The following RYR3 variants were observed in gnomAD, a reference collection of about 807,000 sequenced individuals.
RYR3 encodes the protein brain ryanodine receptor-calcium release channel.
RYR3 carries 207 observed loss-of-function variants against 584.3 expected under a neutral mutation model. That is an observed-to-expected ratio of 0.35 (90% confidence interval 0.32 to 0.40). The LOEUF is 0.40. Among genes scored for constraint, RYR3 ranks in the 10% least tolerant of loss-of-function variants. RYR3 has a pLI of 1.00. For missense variants in RYR3, 5,616 were observed against 6,089.2 expected (o/e 0.92, Z 2.59); for synonymous variants, 2,416 against 2,248.5 (o/e 1.07, Z -2.11).
chr15:33,506,365 C>T (rs1486379273), intron 3 of RYR3, among the ~76,000 whole-genome samples: 2 of 152,112 alleles, frequency 1.3e-5, no homozygotes. Flanking sequence ...ATAATCTACT[C>T]TTCTTTAAAA....
chr15:33,585,855 C>T, intron 15 of RYR3, 143 bp from the exon 16 acceptor site: 5 of 589,910 alleles, frequency 8.5e-6, no homozygotes, highest in Admixed American at 3.1e-5. Flanking sequence ...CATTTTTTTT[C>T]TGGCTGGAAA....
chr15:33,722,895 T>C lies in RYR3; in HGVS notation c.6800T>C (p.Val2267Ala). ...DLPSQGYKREVSTGDDEEEEE... is the reference protein window; with the variant it reads ...DLPSQGYKREASTGDDEEEEE... ...CCCTCTCAAGGATACAAAAGAGAAG[T>C]GTAAGTGAATGGAATTCCCTTCCGG... The change falls in exon 44 of 104, where the codon GTC becomes GCC. Residue 2267 changes from valine to alanine, a missense_variant and splice_region_variant. This residue lies in a region of RYR3 where 1,280 missense variants were observed against 1,426.2 expected (regional missense o/e 0.90). Transcript: ENST00000634891. 6.4e-7 allele frequency: 1 copy of C among 1,561,412 alleles called. No individual in the cohort carries two copies. Among genetic ancestry groups the C allele is most frequent in the Non-Finnish European group, 8.6e-7 (1 of 1,156,548 alleles).
chr15:33,429,563 C>G (rs551591432), intron 1 of RYR3, among the ~76,000 whole-genome samples: 2 of 152,180 alleles, frequency 1.3e-5, no homozygotes, highest in Admixed American at 1.3e-4. Context: ...ATTGCTGTCT[C>G]TAATGTTTTC....
At chr15:33,590,753 C>A (rs2059092222) in intron 16 of RYR3, among the ~76,000 whole-genome samples, 1 of 151,564 alleles carries the variant, frequency 6.6e-6, no homozygotes, top group South Asian at 2.1e-4. Flanking sequence ...ATGAAGGTAG[C>A]CTTCAGGATA....
At chr15:33,561,342 G>A (rs73386537) in intron 10 of RYR3, among the ~76,000 whole-genome samples, 2,332 of 152,276 alleles carry the variant, frequency 0.015, 61 homozygotes, top group African/African-American at 0.054. Flanking sequence ...CCTTTACAGA[G>A]GTAACCTCTG....
chr15:33,670,558 T>A lies in RYR3; in HGVS notation c.5860+2T>A, dbSNP rs1300459359. On this transcript the variant is annotated splice_donor_variant, in intron 38 of 103. Transcript: ENST00000634891. LOFTEE classifies it high-confidence loss of function. ...CGGAGGAGGAGGAGAGATGCCCCAG[T>A]AAGTGACATTGCCTTTAAATGACAG... The A allele has an allele frequency of 9.6e-6, 15 of 1,562,654 alleles. No homozygotes were observed. The Admixed American group carries it at 3.2e-4, about 33-fold the overall frequency.
intron 27 of RYR3, among the ~76,000 whole-genome samples, chr15:33,638,624 G>A (rs1301290934): frequency 1.3e-5 from 2 of 152,204 alleles, no homozygotes; most frequent in Admixed American, 1.3e-4. Flanking sequence ...GCATTCTGAC[G>A]AGACACTGGT....
chr15:33,320,714 G>T (rs1184995627), intron 1 of RYR3, among the ~76,000 whole-genome samples: 1 of 152,182 alleles, frequency 6.6e-6, no homozygotes, highest in African/African-American at 2.4e-5. Context: ...TATCTGAGAG[G>T]ATTGTTGCAA....
chr15:33,838,024 T>G lies in RYR3; in HGVS notation c.12044T>G (p.Leu4015Trp), dbSNP rs1157384095. The G allele has an allele frequency of 6.2e-7, 1 of 1,613,998 alleles. No individual in the cohort carries two copies. Among genetic ancestry groups the G allele is most frequent in the Admixed American group, 1.7e-5 (1 of 60,022 alleles). The change falls in exon 89 of 104, where the codon TTG becomes TGG. Residue 4015 changes from leucine to tryptophan, a missense_variant. Coordinates refer to ENST00000634891, the MANE Select transcript of RYR3 (RefSeq NM_001036.6). ...AACGATTCCCGCCTGAAGTGTCTGT[T>G]GGACCCAGCAGAAAGTGTGCTAAAT... is the stretch of plus-strand genomic sequence containing the variant. ...MPNDSRLKCL[L>W]DPAESVLNYF...
intron 3 of RYR3, among the ~76,000 whole-genome samples, chr15:33,526,799 G>A (rs1046217324): frequency 6.6e-6 from 1 of 151,978 alleles, no homozygotes; most frequent in African/African-American, 2.4e-5. Flanking sequence ...TATTCTAGGG[G>A]GAGAGAGAAT....
In RYR3 at chr15:33,813,567, A is replaced by G; in HGVS notation, c.10490A>G (p.Tyr3497Cys). The G allele has an allele frequency of 6.2e-7, 1 of 1,613,744 alleles. No individual in the cohort carries two copies. Among genetic ancestry groups the G allele is most frequent in the Non-Finnish European group, 8.5e-7 (1 of 1,179,670 alleles). ...GCCTGTTTCAGGATGGCCCCTCTCTACAACCTGCCCAGGCAAGTATTTTGT... is the reference window on the plus strand; with the variant it reads ...GCCTGTTTCAGGATGGCCCCTCTCTGCAACCTGCCCAGGCAAGTATTTTGT... ...VVACFRMAPLYNLPRHRSINL... is the reference protein window; with the variant it reads ...VVACFRMAPLCNLPRHRSINL... The change falls in exon 74 of 104, where the codon TAC (tyrosine) becomes TGC (cysteine). Residue 3497 changes from tyrosine (Y) to cysteine (C), a missense_variant. Tyr to Cys is a radical substitution (Grantham distance 194). This residue lies in a region of RYR3 where 954 missense variants were observed against 1,132.2 expected (regional missense o/e 0.84). Coordinates refer to ENST00000634891, the MANE Select transcript of RYR3 (RefSeq NM_001036.6).
At chr15:33,834,102 C>T (rs1245223271) in intron 86 of RYR3, among the ~76,000 whole-genome samples, 1 of 152,006 alleles carries the variant, frequency 6.6e-6, no homozygotes, top group Non-Finnish European at 1.5e-5. Flanking sequence ...GCCAATGTGA[C>T]AAAACCCTGT....
intron 27 of RYR3, among the ~76,000 whole-genome samples, chr15:33,640,152 T>C (rs1595929294): frequency 6.6e-6 from 1 of 152,184 alleles, no homozygotes; most frequent in East Asian, 1.9e-4. Flanking sequence ...CTCATTTCTG[T>C]TGGCAGCTTT....
intron 34 of RYR3, 106 bp from the exon 35 acceptor site, chr15:33,662,047 C>A: frequency 2.3e-6 from 2 of 864,438 alleles, no homozygotes; most frequent in Admixed American, 2.9e-5. Context: ...TGGCAGAGAC[C>A]CCTCCAACCT....
At chr15:33,580,427 C>T (rs923988488) in intron 13 of RYR3, among the ~76,000 whole-genome samples, 1 of 151,988 alleles carries the variant, frequency 6.6e-6, no homozygotes, top group African/African-American at 2.4e-5. Context: ...GAGAGCATGA[C>T]ATTGGCTGTG....
chr15:33,679,623 G>A (rs569106547), intron 38 of RYR3, among the ~76,000 whole-genome samples: 7 of 152,344 alleles, frequency 4.6e-5, no homozygotes, highest in Admixed American at 2.0e-4. Context: ...GAAGGGCACA[G>A]AGACACAGAG....
At chr15:33,736,888 A>G (rs11857010) in intron 49 of RYR3, among the ~76,000 whole-genome samples, 20,358 of 152,034 alleles carry the variant, frequency 0.13, 1,489 homozygotes, top group East Asian at 0.31. Context: ...AGCTGGGACT[A>G]GAGGCACATG....
At chr15:33,452,160 A>C (rs906805583) in intron 1 of RYR3, among the ~76,000 whole-genome samples, 2 of 152,190 alleles carry the variant, frequency 1.3e-5, no homozygotes, top group African/African-American at 4.8e-5. Flanking sequence ...TTTTAGAGTA[A>C]GCTCAGTTAT....
chr15:33,513,327 G>T (rs937674362), intron 3 of RYR3, among the ~76,000 whole-genome samples: 6 of 152,166 alleles, frequency 3.9e-5, no homozygotes, highest in Non-Finnish European at 8.8e-5. Context: ...TTAACTTGGT[G>T]CTAGAGAAAC....
Sources: allele counts gnomAD v4.1 joint callset (sites outside exome capture counted in the v4.1 genomes callset), GRCh38; gene constraint gnomAD v4.1.1; regional missense constraint gnomAD v4.1.1; transcripts MANE v1.5; gene names NCBI Gene and HGNC (gene_info 2026-07-23, HGNC 2026-07-21).